The following C1orf21 variants were observed in gnomAD, a reference collection of about 807,000 sequenced individuals.
C1orf21 encodes the protein chromosome 1 open reading frame 21.
In C1orf21, 3 loss-of-function variants were observed where a neutral mutation model predicts 18.7. The ratio of observed to expected loss-of-function variants is 0.16; its 90% CI spans 0.07 to 0.42. The LOEUF (loss-of-function observed/expected upper bound fraction) is 0.42. Among genes scored for constraint, C1orf21 ranks in the 10% least tolerant of loss-of-function variants. The pLI is 0.99. For missense variants in C1orf21, 104 were observed against 143.6 expected (o/e 0.72, Z 1.41); for synonymous variants, 41 against 46.4 (o/e 0.88, Z 0.47).
chr1:184,586,043 C>T lies in C1orf21; in HGVS notation c.190-4696C>T, dbSNP rs182657075. On this transcript the variant is annotated intron_variant, in intron 3 of 5. Transcript: ENST00000235307. Reference sequence around the variant, plus strand: ...TTTTTAGATCTTTGAGGAATCACCACACTGTCTTTCAAAATGGTTGAATTA... The same window carrying T: ...TTTTTAGATCTTTGAGGAATCACCATACTGTCTTTCAAAATGGTTGAATTA... Among the ~76,000 whole-genome samples the T allele has an allele frequency of 7.0e-4, 106 of 152,294 alleles. 1 individual carries two copies. The highest frequency in any genetic ancestry group is 2.3e-3 in the African/African-American group (95 of 41,562).
At chr1:184,590,636 A>G in intron 3 of C1orf21, 103 bp from the exon 4 acceptor site, 1 of 1,114,122 alleles carries the variant, frequency 9.0e-7, no homozygotes, top group Non-Finnish European at 1.3e-6. Context: ...GCCGTAGTAT[A>G]GGGCCCCAAA....
rs928796340 is a variant in C1orf21, at chr1:184,626,118, G to T, written c.*6562G>T. On this transcript the variant is annotated 3_prime_UTR_variant, in exon 6 of 6. Transcript: ENST00000235307. ...CATTCATTGAACTCATTTATTTCTG[G>T]AGCCCCTGGTACACTCCAGGCACTG... 6.6e-6 allele frequency: 1 copy of T among 152,048 alleles called. No individual in the cohort carries two copies. Among genetic ancestry groups the T allele is most frequent in the Non-Finnish European group, 1.5e-5 (1 of 67,998 alleles). 9.4% of individuals were successfully genotyped at this position (152,048 alleles called of 1,614,324 possible).
chr1:184,522,288 T>C (rs935258814), intron 3 of C1orf21, among the ~76,000 whole-genome samples: 3 of 152,180 alleles, frequency 2.0e-5, no homozygotes, highest in Admixed American at 2.0e-4. Flanking sequence ...GTGTATATGG[T>C]TGCAAAAGTG....
At chr1:184,507,758 C>G in intron 3 of C1orf21, 76 bp downstream of exon 3, 1 of 1,124,502 alleles carries the variant, frequency 8.9e-7, no homozygotes, top group Non-Finnish European at 1.3e-6. Flanking sequence ...CATGTTTTAA[C>G]TGCAACTTAC....
intron 3 of C1orf21, among the ~76,000 whole-genome samples, chr1:184,513,231 G>A (rs1355409148): frequency 6.6e-6 from 1 of 152,182 alleles, no homozygotes; most frequent in Non-Finnish European, 1.5e-5. Flanking sequence ...CAAAGGGAGG[G>A]AAAGCAAAAG....
intron 4 of C1orf21, among the ~76,000 whole-genome samples, chr1:184,595,543 A>G (rs1659500603): frequency 6.6e-6 from 1 of 152,176 alleles, no homozygotes; most frequent in African/African-American, 2.4e-5. Flanking sequence ...ATATGGGGAA[A>G]TTTTTATTTC....
rs138596581 is a variant in C1orf21, at chr1:184,542,249, G to A, written c.189+34567G>A. 5.1e-4 allele frequency among the ~76,000 whole-genome samples: 77 copies of A among 152,266 alleles called. 1 individual carries two copies. In the East Asian group the frequency reaches 0.014, roughly 29 times the overall value. Reference sequence around the variant, plus strand: ...GGCAATTCATATAATAATACCAACAGCATACACTATGTGCCAGGCACAGTT... The same window carrying A: ...GGCAATTCATATAATAATACCAACAACATACACTATGTGCCAGGCACAGTT... On this transcript the variant is annotated intron_variant, in intron 3 of 5. Coordinates refer to ENST00000235307, the MANE Select transcript of C1orf21 (RefSeq NM_030806.4).
intron 3 of C1orf21, among the ~76,000 whole-genome samples, chr1:184,520,266 A>G (rs1296845401): frequency 6.6e-6 from 1 of 152,154 alleles, no homozygotes; most frequent in African/African-American, 2.4e-5. Flanking sequence ...TTACTGGCAA[A>G]CTTCTGCTTA....
rs572266645 is a variant in C1orf21 at position 184,620,218 on chromosome 1, G to A, written c.*662G>A. The A allele has an allele frequency of 1.3e-5, 2 of 152,762 alleles. No homozygotes were observed. Among genetic ancestry groups the A allele is most frequent in the African/African-American group, 4.8e-5 (2 of 41,580 alleles). 9.5% of individuals were successfully genotyped at this position (152,762 alleles called of 1,614,324 possible). On this transcript the variant is annotated 3_prime_UTR_variant, in exon 6 of 6. Coordinates refer to ENST00000235307, the MANE Select transcript of C1orf21 (RefSeq NM_030806.4). ...GGTATCTTAATCAAGAATTAAGCTT[G>A]CAACATTGGCTTTGCTCAGATGCAG...
intron 2 of C1orf21, among the ~76,000 whole-genome samples, chr1:184,488,035 T>G (rs1211604234): frequency 6.6e-6 from 1 of 152,222 alleles, no homozygotes; most frequent in Non-Finnish European, 1.5e-5. Flanking sequence ...CTGATTACGC[T>G]GGAGGAGAAT....
At chr1:184,468,937 A>C (rs919035268) in intron 1 of C1orf21, among the ~76,000 whole-genome samples, 1 of 138,386 alleles carries the variant, frequency 7.2e-6, no homozygotes, top group Non-Finnish European at 1.6e-5. Context: ...ACAAAAGAAA[A>C]CAAAACAAAC....
chr1:184,438,926 C>T (rs897881563), intron 1 of C1orf21, among the ~76,000 whole-genome samples: 1 of 152,086 alleles, frequency 6.6e-6, no homozygotes, highest in African/African-American at 2.4e-5. Context: ...AAAAACTATT[C>T]TTGGCTGGGC....
intron 1 of C1orf21, among the ~76,000 whole-genome samples, chr1:184,428,227 A>G (rs1656672246): frequency 1.0e-5 from 1 of 95,380 alleles, no homozygotes; most frequent in Non-Finnish European, 2.4e-5. Flanking sequence ...CATTTTCCAG[A>G]AGATCTACAC....
intron 4 of C1orf21, among the ~76,000 whole-genome samples, chr1:184,597,775 GT>G (rs1659536473): frequency 6.6e-6 from 1 of 152,196 alleles, no homozygotes; most frequent in Admixed American, 6.5e-5. Context: ...TAAGAAGGCT[GT>G]TAAAAGTCAC....
chr1:184,504,724 C>T lies in C1orf21; in HGVS notation c.95-2864C>T, dbSNP rs534100113. 1.7e-4 allele frequency among the ~76,000 whole-genome samples: 26 copies of T among 152,026 alleles called. 1 individual carries two copies. Among genetic ancestry groups the T allele is most frequent in the Admixed American group, 2.6e-4 (4 of 15,276 alleles). ...CTTGCCCAGCTTTTTTTGTTTTATA[C>T]CGTGATGGATTTTGTGCGGTGTGTT... is the stretch of plus-strand genomic sequence containing the variant. On this transcript the variant is annotated intron_variant, in intron 2 of 5. Transcript: ENST00000235307.
chr1:184,583,654 A>G (rs1659312995), intron 3 of C1orf21, among the ~76,000 whole-genome samples: 1 of 152,148 alleles, frequency 6.6e-6, no homozygotes, highest in Non-Finnish European at 1.5e-5. Context: ...AGAATAACCT[A>G]AGACTCTTGT....
At chr1:184,567,805 T>A (rs1225568117) in intron 3 of C1orf21, 1 of 234,612 alleles carries the variant, frequency 4.3e-6, no homozygotes, top group Non-Finnish European at 8.7e-6. Flanking sequence ...TTCAAGGCCC[T>A]CCGCATACTA....
chr1:184,556,794 T>C (rs1208542665), intron 3 of C1orf21, among the ~76,000 whole-genome samples: 1 of 152,106 alleles, frequency 6.6e-6, no homozygotes, highest in Non-Finnish European at 1.5e-5. Flanking sequence ...ATCCTTATTG[T>C]TAAGGAGGGT....
intron 3 of C1orf21, among the ~76,000 whole-genome samples, chr1:184,590,317 A>G (rs993260036): frequency 3.3e-5 from 5 of 152,226 alleles, no homozygotes; most frequent in Non-Finnish European, 7.3e-5. Flanking sequence ...TAGGGCCTTC[A>G]GCAAACTTTA....
Sources: gnomAD v4.1 joint callset for allele counts (sites outside exome capture counted in the v4.1 genomes callset) on GRCh38, gnomAD v4.1.1 for gene constraint, MANE v1.5 for transcripts, NCBI Gene and HGNC (gene_info 2026-07-23, HGNC 2026-07-21) for gene names.